Variants in PARD3B observed in about 807,000 individuals in gnomAD.
PARD3B encodes the protein par-3 family cell polarity regulator beta, also known as partitioning defective 3 homolog B.
Under a neutral mutation model 130.2 loss-of-function variants are expected in PARD3B, and 103 were observed. That is an observed-to-expected ratio of 0.79 (90% CI 0.67 to 0.93). The LOEUF is 0.93. PARD3B is among the 40% of genes least tolerant of loss of function. The pLI, the probability that PARD3B is intolerant of heterozygous loss-of-function variation, is 0.00. For synonymous variants in PARD3B, 583 were observed against 553.2 expected, an observed-to-expected ratio of 1.05 and a Z score of -0.76; for missense variants, 1,609 against 1,499.2, an observed-to-expected ratio of 1.07 and a Z score of -1.21.
At chr2:204,562,535 G>A (rs571496630) in intron 1 of PARD3B, among the ~76,000 whole-genome samples, 29 of 152,326 alleles carry the variant, frequency 1.9e-4, no homozygotes, top group Non-Finnish European at 3.7e-4. Flanking sequence ...TGGCCCAGAA[G>A]TCGCTGTGGC....
chr2:205,499,090 G>A (rs1357064831), intron 20 of PARD3B, among the ~76,000 whole-genome samples: 2 of 152,118 alleles, frequency 1.3e-5, no homozygotes, highest in Non-Finnish European at 2.9e-5. Context: ...AGATCTGCCT[G>A]TCATTCTTTT....
In PARD3B at chr2:205,617,563, ATAT is replaced by A. The variant is rs2055474980; in HGVS notation, c.*1755_*1757del. 6.6e-6 allele frequency: 1 copy of A among 151,522 alleles called. No homozygotes were observed. The highest frequency in any genetic ancestry group is 2.1e-4 in the South Asian group (1 of 4,828). 9.4% of individuals were successfully genotyped at this position (151,522 alleles called of 1,614,324 possible). ...ATAGTGTTATTTACTGGACTTTGTG[ATAT>A]TATTTTCTTAACTACACTTTACTAT... On this transcript the variant is annotated 3_prime_UTR_variant, in exon 23 of 23. Transcript: ENST00000406610.
intron 2 of PARD3B, among the ~76,000 whole-genome samples, chr2:204,900,735 A>C (rs2046824362): frequency 6.6e-6 from 1 of 152,158 alleles, no homozygotes; most frequent in South Asian, 2.1e-4. Flanking sequence ...TAGTCTTTGC[A>C]GTCTGCTTGT....
intron 16 of PARD3B, among the ~76,000 whole-genome samples, chr2:205,254,366 A>G (rs1468428839): frequency 1.3e-5 from 2 of 152,134 alleles, no homozygotes; most frequent in African/African-American, 2.4e-5. Flanking sequence ...CTCCCAGTCT[A>G]TGTTGAATAA....
At chr2:204,715,824 C>T (rs1234184211) in intron 2 of PARD3B, among the ~76,000 whole-genome samples, 1 of 152,144 alleles carries the variant, frequency 6.6e-6, no homozygotes, top group Admixed American at 6.5e-5. Flanking sequence ...ACGTCCCATC[C>T]TTTGAGCTGC....
chr2:204,608,689 A>G (rs1559182546), intron 1 of PARD3B, among the ~76,000 whole-genome samples: 1 of 152,200 alleles, frequency 6.6e-6, no homozygotes, highest in Admixed American at 6.6e-5. Context: ...CCCAGACAGT[A>G]GATTATGATG....
intron 3 of PARD3B, among the ~76,000 whole-genome samples, chr2:205,035,896 CTA>C (rs1229174808): frequency 2.0e-5 from 2 of 98,288 alleles, no homozygotes; most frequent in Non-Finnish European, 4.0e-5. Flanking sequence ...ATATAATGGG[CTA>C]TATATATGAG....
At chr2:205,163,523 G>A (rs1359216970) in intron 11 of PARD3B, among the ~76,000 whole-genome samples, 2 of 152,154 alleles carry the variant, frequency 1.3e-5, no homozygotes, top group African/African-American at 2.4e-5. Context: ...TTCATAATCT[G>A]CACTGTTTAG....
At chr2:204,925,231 C>CT (rs773479894) in intron 2 of PARD3B, among the ~76,000 whole-genome samples, 2 of 152,084 alleles carry the variant, frequency 1.3e-5, no homozygotes, top group Non-Finnish European at 2.9e-5. Flanking sequence ...CTTACTGTGT[C>CT]TAAGCCTTGG....
intron 15 of PARD3B, among the ~76,000 whole-genome samples, chr2:205,217,577 A>C (rs1437346651): frequency 6.6e-6 from 1 of 151,754 alleles, no homozygotes; most frequent in Non-Finnish European, 1.5e-5. Flanking sequence ...GAGAAGAATA[A>C]CCAGAGAAGC....
At chr2:205,030,645 A>G (rs13417895) in intron 3 of PARD3B, among the ~76,000 whole-genome samples, 11,634 of 152,234 alleles carry the variant, frequency 0.076, 525 homozygotes, top group Middle Eastern at 0.24. Context: ...TGAGCATTAA[A>G]AGACTGTTTG....
In PARD3B at chr2:205,294,200, C is replaced by G. The variant is rs539201158; in HGVS notation, c.2186-6330C>G. On this transcript the variant is annotated intron_variant, in intron 16 of 22. Coordinates refer to ENST00000406610, the MANE Select transcript of PARD3B (RefSeq NM_001302769.2). The stretch of plus-strand genomic sequence containing the variant: ...AAAACAAAAGATTAAAACAAACCAG[C>G]ATGCTGGGAATGGTGTTGTCTGGGA... Among the ~76,000 whole-genome samples the G allele has an allele frequency of 9.6e-4, 146 of 152,200 alleles. 1 individual carries two copies. The highest frequency in any genetic ancestry group is 3.4e-3 in the African/African-American group (142 of 41,542).
At position 204,946,878 on chromosome 2, in the gene PARD3B, G is replaced by A. The variant is rs968936966; in HGVS notation, c.223-18274G>A. ...AGACCCAAGAGGAGCTCATGTTCCA[G>A]TCCCTATCCGAAGGCTGGAAAGAAA... On this transcript the variant is annotated intron_variant, in intron 2 of 22. Transcript: ENST00000406610. 3.9e-5 allele frequency among the ~76,000 whole-genome samples: 6 copies of A among 152,282 alleles called. No individual in the cohort carries two copies. In the East Asian group the frequency reaches 1.2e-3, roughly 29 times the overall value.
At chr2:205,199,214 T>A (rs1190483262) in intron 15 of PARD3B, among the ~76,000 whole-genome samples, 1 of 152,100 alleles carries the variant, frequency 6.6e-6, no homozygotes, top group Non-Finnish European at 1.5e-5. Context: ...AAAGAAATGG[T>A]GCTTGCTGCC....
intron 22 of PARD3B, among the ~76,000 whole-genome samples, chr2:205,609,640 G>A (rs1386696196): frequency 1.3e-5 from 2 of 152,146 alleles, no homozygotes; most frequent in Non-Finnish European, 1.5e-5. Context: ...CCTTTGGAAG[G>A]TTTTCTGTAA....
At chr2:205,417,694 C>T (rs776444971) in intron 19 of PARD3B, among the ~76,000 whole-genome samples, 11 of 152,214 alleles carry the variant, frequency 7.2e-5, no homozygotes, top group Non-Finnish European at 1.5e-4. Flanking sequence ...ATCCTCATGG[C>T]CCCCAGCCTG....
intron 20 of PARD3B, among the ~76,000 whole-genome samples, chr2:205,462,029 G>A (rs1304565402): frequency 4.6e-5 from 7 of 152,204 alleles, no homozygotes; most frequent in African/African-American, 1.7e-4. Flanking sequence ...TGTGTTCCCA[G>A]TGCTTAGCAC....
chr2:205,548,198 T>C (rs1244522080), intron 21 of PARD3B, among the ~76,000 whole-genome samples: 1 of 152,064 alleles, frequency 6.6e-6, no homozygotes, highest in Non-Finnish European at 1.5e-5. Context: ...TTTTCTTTTA[T>C]TTGGTCCCTA....
intron 21 of PARD3B, among the ~76,000 whole-genome samples, chr2:205,504,693 C>G (rs192678014): frequency 6.6e-6 from 1 of 152,202 alleles, no homozygotes; most frequent in Non-Finnish European, 1.5e-5. Flanking sequence ...CAATGAGATG[C>G]CATCTCACAC....
Sources: gnomAD v4.1 joint callset for allele counts (sites outside exome capture counted in the v4.1 genomes callset) on GRCh38, gnomAD v4.1.1 for gene constraint, MANE v1.5 for transcripts, NCBI Gene and HGNC (gene_info 2026-07-23, HGNC 2026-07-21) for gene names.